Variants in KCNAB2 observed in about 807,000 individuals in gnomAD.
KCNAB2 encodes the protein potassium voltage-gated channel subfamily A regulatory beta subunit 2.
Under a neutral mutation model 63.6 loss-of-function variants are expected in KCNAB2, and 29 were observed. The ratio of observed to expected loss-of-function variants is 0.46; its 90% CI spans 0.34 to 0.62. The LOEUF (loss-of-function observed/expected upper bound fraction) is 0.62. Ranked by LOEUF, KCNAB2 falls within the 20% of genes least tolerant of loss-of-function variation. The pLI, the probability that KCNAB2 is intolerant of heterozygous loss-of-function variation, is 0.01. For missense variants in KCNAB2, 359 were observed against 563.9 expected, an observed-to-expected ratio of 0.64 and a Z score of 3.68; for synonymous variants, 222 against 224.2, an observed-to-expected ratio of 0.99 and a Z score of 0.09.
rs759564880 is a variant in KCNAB2 at position 6,000,868 on chromosome 1, G to A, written c.-53+8080G>A. ...ATGAATCGGGAGCCAGGATAAGGTC[G>A]CTGCCCTCAGGGCCAACATCAGAGC... On this transcript the variant is annotated intron_variant, in intron 1 of 16. Coordinates refer to the KCNAB2 transcript ENST00000341524. 6.1e-4 allele frequency among the ~76,000 whole-genome samples: 93 copies of A among 152,236 alleles called. 1 individual carries two copies. Among genetic ancestry groups the A allele is most frequent in the African/African-American group, 1.8e-3 (76 of 41,546 alleles).
intron 8 of KCNAB2, among the ~76,000 whole-genome samples, chr1:6,090,013 T>G (rs1665052702): frequency 6.6e-6 from 1 of 152,244 alleles, no homozygotes; most frequent in Non-Finnish European, 1.5e-5. Flanking sequence ...TAGACACTAT[T>G]GCCTTTGATG....
At chr1:6,042,849 C>CCCCCCA (rs1660619689), upstream of KCNAB2, among the ~76,000 whole-genome samples, 2 of 110,070 alleles carry the variant, frequency 1.8e-5, no homozygotes, top group East Asian at 3.5e-4. Context: ...CCCCACCCCC[C>CCCCCCA]CCCCCGTTTG....
At chr1:6,088,785 C>T (rs1029122796) in intron 7 of KCNAB2, among the ~76,000 whole-genome samples, 1 of 148,598 alleles carries the variant, frequency 6.7e-6, no homozygotes, top group Admixed American at 6.7e-5. Context: ...CCACCCCCTG[C>T]TGCTGCCCCC....
intron 1 of KCNAB2, among the ~76,000 whole-genome samples, chr1:6,023,731 C>T (rs559193670): frequency 1.3e-5 from 2 of 152,200 alleles, no homozygotes; most frequent in South Asian, 2.1e-4. Context: ...TTTTCACTCA[C>T]TCTGGGTTGC....
At chr1:6,095,771 G>A in intron 13 of KCNAB2, 147 bp downstream of exon 13, 1 of 738,700 alleles carries the variant, frequency 1.4e-6, no homozygotes, top group South Asian at 1.7e-5. Context: ...GGGCTCCTTG[G>A]CGTGAGAACA....
At chr1:6,063,786 A>G (rs1247993049) in intron 2 of KCNAB2, among the ~76,000 whole-genome samples, 2 of 151,994 alleles carry the variant, frequency 1.3e-5, no homozygotes, top group South Asian at 4.2e-4. Context: ...TTGTCGGTTG[A>G]TGGGTGTTTG....
At chr1:6,079,520 C>CCAA (rs1664015066) in intron 4 of KCNAB2, among the ~76,000 whole-genome samples, 1 of 145,562 alleles carries the variant, frequency 6.9e-6, no homozygotes, top group Admixed American at 6.9e-5. Flanking sequence ...CTCCATCTCC[C>CCAA]AAAAAAAAAA....
chr1:5,996,453 G>A (rs1274249267), intron 1 of KCNAB2, among the ~76,000 whole-genome samples: 2 of 152,186 alleles, frequency 1.3e-5, no homozygotes, highest in East Asian at 3.9e-4. Flanking sequence ...TCAGACCCCT[G>A]CTGGCCAGCG....
At position 6,099,918 on chromosome 1, in the gene KCNAB2, G is replaced by A. The variant is rs773739512; in HGVS notation, c.*1344G>A. On this transcript the variant is annotated 3_prime_UTR_variant, in exon 16 of 16. Coordinates refer to ENST00000378083, the MANE Select transcript of KCNAB2 (RefSeq NM_001199862.2). The stretch of plus-strand genomic sequence containing the variant: ...GCCAGTAAGTCTGCAGGTGCGGGGT[G>A]CCACCTACAGGCCCAGGCCTGTGTC... 32 of 1,550,290 alleles carry A rather than the reference G, an allele frequency of 2.1e-5. No homozygotes were observed. The highest frequency in any genetic ancestry group is 2.6e-5 in the Non-Finnish European group (30 of 1,146,926).
intron 1 of KCNAB2, among the ~76,000 whole-genome samples, chr1:6,021,378 T>C (rs2100330123): frequency 6.6e-6 from 1 of 152,398 alleles, no homozygotes; most frequent in Non-Finnish European, 1.5e-5. Flanking sequence ...GACTCCATGA[T>C]GCAGAAGTTT....
Position 6,046,184 on chromosome 1 carries a change from GT to G in KCNAB2, c.-27+2del. 1 of 985,450 alleles carries G rather than the reference GT, an allele frequency of 1.0e-6. No homozygotes were observed. The allele number at this position is 985,450 out of a possible 1,614,324, so 61.0% of individuals were successfully genotyped here. On this transcript the variant is annotated splice_donor_variant, in intron 1 of 15. Coordinates refer to ENST00000378083, the MANE Select transcript of KCNAB2 (RefSeq NM_001199862.2). LOFTEE classifies it low-confidence loss of function (5UTR_SPLICE). ...CGAGCAGACGCCCCCACGAAGGCAG[GT>G]GAGTCCTCCCTTCAGCCGCTACCTT...
intron 8 of KCNAB2, 103 bp from the exon 9 acceptor site, chr1:6,090,286 C>A: frequency 1.3e-6 from 1 of 754,832 alleles, no homozygotes; most frequent in Non-Finnish European, 2.2e-6. Flanking sequence ...ATGCCAGAGG[C>A]CTCTTCTCCA....
At chr1:6,043,036 G>A (rs1570937668), upstream of KCNAB2, among the ~76,000 whole-genome samples, 1 of 152,248 alleles carries the variant, frequency 6.6e-6, no homozygotes, top group African/African-American at 2.4e-5. Flanking sequence ...AGTTAAATCT[G>A]AACTCCGGCT....
Position 6,046,020 on chromosome 1 carries a change from AACTCG to A in KCNAB2, c.-185_-181del. ...AGAACTAATGGACTCGCTGCCTCAA[AACTCG>A]ACTCTGGTGGGACTCATCTCATTCA... On this transcript the variant is annotated 5_prime_UTR_variant, in exon 1 of 16. An upstream open reading frame in the 5' UTR loses its in-frame stop. Coordinates refer to ENST00000378083, the MANE Select transcript of KCNAB2 (RefSeq NM_001199862.2). 5 of 985,448 alleles carry A rather than the reference AACTCG, an allele frequency of 5.1e-6. No individual in the cohort carries two copies. Among genetic ancestry groups the A allele is most frequent in the Non-Finnish European group, 6.0e-6 (5 of 829,942 alleles). The allele number at this position is 985,448 out of a possible 1,614,324, so 61.0% of individuals were successfully genotyped here.
In KCNAB2 at chr1:6,003,556, C is replaced by T. The variant is rs1557919493; in HGVS notation, c.-53+10768C>T. On this transcript the variant is annotated intron_variant, in intron 1 of 16. Transcript: ENST00000341524. This position sits in a 1 kb window ranked among gnomAD's most constrained non-coding sequence, Gnocchi z 4.1. ...CTTAAACATTATTTCCTGGGAGATC[C>T]GGCAGCTCTTCACTCTTCCGAATCA... Among the ~76,000 whole-genome samples, 2 of 152,182 alleles carry T rather than the reference C, an allele frequency of 1.3e-5. No homozygotes were observed. Among genetic ancestry groups the T allele is most frequent in the Admixed American group, 6.5e-5 (1 of 15,276 alleles).
At chr1:6,097,852 G>A (rs1295793792) in intron 15 of KCNAB2, 4 of 230,772 alleles carry the variant, frequency 1.7e-5, no homozygotes, top group Admixed American at 5.4e-5. Context: ...TGAGTGAGAC[G>A]GGAGCCGTGG....
chr1:5,994,494 C>A lies in KCNAB2; in HGVS notation c.-53+1706C>A, dbSNP rs566079319. ...GCCGCAGCACATCCCTCGAGAGCAG[C>A]ATGGTAGGGGCTTCCCTGTTGACAC... is the stretch of plus-strand genomic sequence containing the variant. On this transcript the variant is annotated intron_variant, in intron 1 of 16. Coordinates refer to the KCNAB2 transcript ENST00000341524. The surrounding 1 kb of genome is among the most constrained non-coding windows in gnomAD (Gnocchi z 5.4). Among the ~76,000 whole-genome samples, 15 of 152,312 alleles carry A rather than the reference C, an allele frequency of 9.8e-5. No individual in the cohort carries two copies. In the East Asian group the frequency reaches 2.3e-3, roughly 23 times the overall value.
At chr1:6,015,990 T>G (rs771883166) in intron 1 of KCNAB2, among the ~76,000 whole-genome samples, 1 of 152,080 alleles carries the variant, frequency 6.6e-6, no homozygotes, top group Non-Finnish European at 1.5e-5. Flanking sequence ...GTGTGAGCCA[T>G]CACACCCAGC....
chr1:6,002,985 T>G (rs1657343890), intron 1 of KCNAB2, among the ~76,000 whole-genome samples: 1 of 152,128 alleles, frequency 6.6e-6, no homozygotes, highest in Admixed American at 6.5e-5. Flanking sequence ...CGTCTCTGTG[T>G]CCCGGGTGAG....
Sources: gnomAD v4.1 joint callset for allele counts (sites outside exome capture counted in the v4.1 genomes callset) on GRCh38, gnomAD v4.1.1 for gene constraint, Gnocchi (gnomAD v3.1) non-coding constraint, MANE v1.5 for transcripts, NCBI Gene and HGNC (gene_info 2026-07-23, HGNC 2026-07-21) for gene names.